Variants in MTA1 observed in about 807,000 individuals in gnomAD.
MTA1 encodes metastasis-associated protein MTA1.
In MTA1, 15 loss-of-function variants were observed where a neutral mutation model predicts 97.0. The observed-to-expected ratio is 0.15, with a 90% CI of 0.10 to 0.24. MTA1 has a LOEUF of 0.24. Among genes scored for constraint, MTA1 ranks in the 10% least tolerant of loss-of-function variants. The pLI is 1.00. For synonymous variants in MTA1, 435 were observed against 417.5 expected, an observed-to-expected ratio of 1.04 and a Z score of -0.51; for missense variants, 709 against 1,015.1, an observed-to-expected ratio of 0.70 and a Z score of 4.10.
intron 7 of MTA1, among the ~76,000 whole-genome samples, chr14:105,457,683 T>C (rs1053890812): frequency 1.1e-4 from 17 of 152,218 alleles, no homozygotes; most frequent in South Asian, 2.1e-4. Flanking sequence ...CCCAACACTT[T>C]GGGAGGCTAA....
intron 6 of MTA1, among the ~76,000 whole-genome samples, chr14:105,451,161 C>T (rs782431923): frequency 4.6e-5 from 7 of 152,208 alleles, no homozygotes; most frequent in Non-Finnish European, 1.0e-4. Context: ...CCCAGGGGGG[C>T]TCATCTCTGT....
At chr14:105,429,752 C>CTTTTTT (rs59028638) in intron 1 of MTA1, among the ~76,000 whole-genome samples, 1,975 of 50,538 alleles carry the variant, frequency 0.039, 453 homozygotes, top group African/African-American at 0.16. Context: ...TGCGCCCGGC[C>CTTTTTT]TTTTTTTTTT....
chr14:105,460,488 C>A (rs1555430761), intron 9 of MTA1, 31 bp downstream of exon 9: 25 of 1,568,522 alleles, frequency 1.6e-5, no homozygotes, highest in Non-Finnish European at 2.2e-5. Flanking sequence ...ACAGGTGAGA[C>A]CTGGGGTGGC....
chr14:105,453,318 T>G (rs587612968), intron 6 of MTA1, among the ~76,000 whole-genome samples: 230 of 152,382 alleles, frequency 1.5e-3, no homozygotes, highest in Middle Eastern at 3.4e-3. Flanking sequence ...TTAAACACCT[T>G]GGATAAGTTA....
chr14:105,425,289 G>A (rs1812379838), intron 1 of MTA1, among the ~76,000 whole-genome samples: 1 of 151,854 alleles, frequency 6.6e-6, no homozygotes, highest in African/African-American at 2.4e-5. Flanking sequence ...ATGTAATTAT[G>A]TTTTTTTTGA....
chr14:105,469,797 G>A, intron 19 of MTA1, 44 bp from the exon 20 acceptor site: 2 of 1,568,668 alleles, frequency 1.3e-6, no homozygotes, highest in Admixed American at 1.9e-5. Context: ...TTGAGGTGGA[G>A]CTGGCCCTTG....
intron 1 of MTA1, among the ~76,000 whole-genome samples, chr14:105,423,925 C>T (rs2081930212): frequency 2.0e-5 from 3 of 152,256 alleles, no homozygotes; most frequent in South Asian, 2.1e-4. Context: ...ACTTGCTGCT[C>T]CATGGGCCGA....
Position 105,463,385 on chromosome 14 carries a change from G to T in MTA1, c.1018-108G>T. The T allele has an allele frequency of 1.3e-6, 2 of 1,500,586 alleles. No individual in the cohort carries two copies. The highest frequency in any genetic ancestry group is 1.8e-6 in the Non-Finnish European group (2 of 1,081,150). 93.0% of individuals were successfully genotyped at this position (1,500,586 alleles called of 1,614,324 possible). On this transcript the variant is annotated intron_variant, in intron 11 of 20. Coordinates refer to ENST00000331320, the MANE Select transcript of MTA1 (RefSeq NM_004689.4). The surrounding 1 kb of genome is among the most constrained non-coding windows in gnomAD (Gnocchi z 5.9). ...AGGAAGACTCCTGAGTCCCTGGCCC[G>T]GCTGTCCTCTCCGTGGTGCTCTCCT...
intron 1 of MTA1, among the ~76,000 whole-genome samples, chr14:105,433,089 C>T (rs1332295437): frequency 6.6e-6 from 1 of 152,122 alleles, no homozygotes; most frequent in African/African-American, 2.4e-5. Flanking sequence ...GCCAGGGGTA[C>T]GGTTGATTAC....
In MTA1 at chr14:105,434,490, CTTTTT is replaced by C. The variant is rs140991917; in HGVS notation, c.29-4165_29-4161del. ...TTGTTAGTAGTACGTAGAAAGAGGA[CTTTTT>C]TTTTTTTTTTTTTTTTGAGACAGAG... On this transcript the variant is annotated intron_variant, in intron 1 of 20. Coordinates refer to ENST00000331320, the MANE Select transcript of MTA1 (RefSeq NM_004689.4). Among the ~76,000 whole-genome samples the C allele has an allele frequency of 8.1e-4, 70 of 86,930 alleles. 2 individuals are homozygous for C. Among genetic ancestry groups the C allele is most frequent in the Non-Finnish European group, 2.0e-4 (8 of 39,580 alleles). 57.0% of individuals were successfully genotyped at this position (86,930 alleles called of 152,430 possible). A position where few individuals can be genotyped will look rare whatever the true frequency, so the allele number is the denominator to read the frequency against.
intron 1 of MTA1, among the ~76,000 whole-genome samples, chr14:105,423,657 C>T (rs997356893): frequency 1.3e-5 from 2 of 152,264 alleles, no homozygotes; most frequent in Non-Finnish European, 1.5e-5. Flanking sequence ...CGGTCTCTGG[C>T]GCAGCCTGGG....
At chr14:105,430,235 C>G (rs1555423117) in intron 1 of MTA1, among the ~76,000 whole-genome samples, 1 of 152,174 alleles carries the variant, frequency 6.6e-6, no homozygotes, top group African/African-American at 2.4e-5. Flanking sequence ...CTCAACTCTT[C>G]CCTTCACTGG....
intron 14 of MTA1, 53 bp downstream of exon 14, chr14:105,464,620 T>C: frequency 3.1e-6 from 5 of 1,609,476 alleles, no homozygotes; most frequent in Non-Finnish European, 4.2e-6. Context: ...GCCACGCGGG[T>C]CCTCGGCCCC....
chr14:105,438,520 G>A (rs1238686061), intron 1 of MTA1, 152 bp from the exon 2 acceptor site: 16 of 710,536 alleles, frequency 2.3e-5, no homozygotes, highest in South Asian at 3.3e-5. Flanking sequence ...TGGTGTGGGG[G>A]CTTCGCTTCC....
Position 105,463,755 on chromosome 14 carries a change from C to G in MTA1, c.1076+204C>G. ...GTCTCTGTCGTCCTGGCCTCCTGGT[C>G]AGTAAGGGGGCATTGGGATTCCAGC... On this transcript the variant is annotated intron_variant, in intron 12 of 20. Coordinates refer to ENST00000331320, the MANE Select transcript of MTA1 (RefSeq NM_004689.4). The surrounding 1 kb of genome is among the most constrained non-coding windows in gnomAD (Gnocchi z 5.9). The G allele has an allele frequency of 1.6e-6, 1 of 624,118 alleles. No individual in the cohort carries two copies. Among genetic ancestry groups the G allele is most frequent in the South Asian group, 1.9e-5 (1 of 51,950 alleles). 38.7% of individuals were successfully genotyped at this position (624,118 alleles called of 1,614,324 possible).
chr14:105,441,809 T>A (rs1555425827), intron 2 of MTA1, among the ~76,000 whole-genome samples: 1 of 151,278 alleles, frequency 6.6e-6, no homozygotes, highest in African/African-American at 2.4e-5. Flanking sequence ...AATAAAAAAG[T>A]AAAAAAGGAA....
intron 10 of MTA1, among the ~76,000 whole-genome samples, chr14:105,461,990 C>T (rs587681738): frequency 2.3e-4 from 27 of 118,942 alleles, no homozygotes; most frequent in Non-Finnish European, 4.4e-4. Context: ...CAGACCAGGG[C>T]GGAATTTGAG....
Position 105,463,450 on chromosome 14 carries a change from T to C in MTA1, c.1018-43T>C. 1 of 1,609,056 alleles carries C rather than the reference T, an allele frequency of 6.2e-7. No homozygotes were observed. The highest frequency in any genetic ancestry group is 2.2e-5 in the East Asian group (1 of 44,856). ...GCCTGTCTGCACTGCAGCCCCAACCTGGGCCTAGCCTGCTGACCTCTGACC... is the reference window on the plus strand; with the variant it reads ...GCCTGTCTGCACTGCAGCCCCAACCCGGGCCTAGCCTGCTGACCTCTGACC... On this transcript the variant is annotated intron_variant, in intron 11 of 20. Coordinates refer to ENST00000331320, the MANE Select transcript of MTA1 (RefSeq NM_004689.4). The surrounding 1 kb of genome is among the most constrained non-coding windows in gnomAD (Gnocchi z 5.9).
chr14:105,431,638 C>G (rs112053918), intron 1 of MTA1, among the ~76,000 whole-genome samples: 76 of 152,248 alleles, frequency 5.0e-4, no homozygotes, highest in Middle Eastern at 3.4e-3. Flanking sequence ...TTTATTTTTA[C>G]TTTTTGAGGT....
Sources: gnomAD v4.1 joint callset for allele counts (sites outside exome capture counted in the v4.1 genomes callset) on GRCh38, gnomAD v4.1.1 for gene constraint, Gnocchi (gnomAD v3.1) non-coding constraint, MANE v1.5 for transcripts, NCBI Gene and HGNC (gene_info 2026-07-23, HGNC 2026-07-21) for gene names.